DCHS2: variants seen among roughly 807,000 people sequenced by gnomAD.
DCHS2 encodes protocadherin-23.
DCHS2 carries 142 observed loss-of-function variants against 182.4 expected under a neutral mutation model. The observed-to-expected ratio is 0.78, with a 90% CI of 0.68 to 0.89. DCHS2 has a LOEUF of 0.89. Among genes scored for constraint, DCHS2 ranks in the 40% least tolerant of loss-of-function variants. DCHS2 has a pLI of 0.00. For synonymous variants in DCHS2, 1,740 were observed against 1,663.3 expected, an observed-to-expected ratio of 1.05 and a Z score of -1.12; for missense variants, 4,319 against 4,198.6, an observed-to-expected ratio of 1.03 and a Z score of -0.79.
intron 1 of DCHS2, among the ~76,000 whole-genome samples, chr4:154,474,064 C>T (rs774062903): frequency 3.9e-5 from 6 of 152,170 alleles, no homozygotes; most frequent in Non-Finnish European, 7.4e-5. Flanking sequence ...TCCTGCCTTG[C>T]CCTTTTCAGC....
intron 13 of DCHS2, chr4:154,284,548 G>A (rs1734300354): frequency 6.6e-6 from 1 of 152,108 alleles, no homozygotes; most frequent in South Asian, 2.1e-4. Flanking sequence ...TCTCCTGGCA[G>A]TGGCCATGTG....
chr4:154,474,074 C>A (rs1735588528), intron 1 of DCHS2, among the ~76,000 whole-genome samples: 1 of 152,174 alleles, frequency 6.6e-6, no homozygotes, highest in Non-Finnish European at 1.5e-5. Context: ...CCCTTTTCAG[C>A]TTTTGGTGAC....
chr4:154,412,347 T>A (rs1046866123), intron 1 of DCHS2, among the ~76,000 whole-genome samples: 3 of 152,190 alleles, frequency 2.0e-5, no homozygotes, highest in Non-Finnish European at 2.9e-5. Context: ...CAGCATGTCC[T>A]CAAGCTGAGC....
intron 12 of DCHS2, among the ~76,000 whole-genome samples, chr4:154,299,156 A>T (rs896076553): frequency 6.6e-6 from 1 of 152,226 alleles, no homozygotes; most frequent in African/African-American, 2.4e-5. Flanking sequence ...TTTGATTTGT[A>T]GTTATTTTCT....
intron 1 of DCHS2, among the ~76,000 whole-genome samples, chr4:154,458,690 T>C (rs919751164): frequency 7.2e-5 from 11 of 152,216 alleles, no homozygotes; most frequent in African/African-American, 2.4e-4. Flanking sequence ...CTACATATAC[T>C]ATACAAATAT....
intron 1 of DCHS2, among the ~76,000 whole-genome samples, chr4:154,386,280 C>T (rs1234257748): frequency 6.6e-6 from 1 of 152,200 alleles, no homozygotes; most frequent in Non-Finnish European, 1.5e-5. Context: ...CTCTTTCACT[C>T]CCCTCTGGAC....
chr4:154,336,378 G>A (rs1039090665), intron 3 of DCHS2, among the ~76,000 whole-genome samples: 1 of 152,144 alleles, frequency 6.6e-6, no homozygotes, highest in Non-Finnish European at 1.5e-5. Context: ...TGTTAGTTTT[G>A]TTTAATGAGA....
chr4:154,330,972 T>C (rs988799064), intron 5 of DCHS2, among the ~76,000 whole-genome samples: 1 of 152,156 alleles, frequency 6.6e-6, no homozygotes, highest in African/African-American at 2.4e-5. Flanking sequence ...TGTAAAAGAC[T>C]GTGCAGCTCA....
At chr4:154,241,338 C>T (rs1731814282) in intron 17 of DCHS2, among the ~76,000 whole-genome samples, 1 of 152,136 alleles carries the variant, frequency 6.6e-6, no homozygotes, top group African/African-American at 2.4e-5. Flanking sequence ...GGTGCACACA[C>T]TGCTTCCTTT....
chr4:154,413,859 C>T (rs1347783232), intron 1 of DCHS2, among the ~76,000 whole-genome samples: 1 of 152,202 alleles, frequency 6.6e-6, no homozygotes, highest in African/African-American at 2.4e-5. Flanking sequence ...CATGCCCTTA[C>T]CCTTACCCTT....
intron 1 of DCHS2, among the ~76,000 whole-genome samples, chr4:154,464,199 A>G (rs1240115031): frequency 6.6e-6 from 1 of 152,204 alleles, no homozygotes; most frequent in East Asian, 1.9e-4. Context: ...ATAGAATTCA[A>G]TAAACAGCCA....
At chr4:154,288,867 C>A (rs1351704368) in intron 13 of DCHS2, among the ~76,000 whole-genome samples, 1 of 152,036 alleles carries the variant, frequency 6.6e-6, no homozygotes, top group Non-Finnish European at 1.5e-5. Flanking sequence ...TTAAACATTT[C>A]TTGAAACAAA....
intron 1 of DCHS2, among the ~76,000 whole-genome samples, chr4:154,416,180 T>G (rs571504174): frequency 6.6e-6 from 1 of 152,028 alleles, no homozygotes; most frequent in Non-Finnish European, 1.5e-5. Flanking sequence ...TGATCAGCTG[T>G]CTGAAAGTTG....
chr4:154,373,999 TAGCA>T (rs1730769684), intron 2 of DCHS2: 8 of 824,226 alleles, frequency 9.7e-6, no homozygotes, highest in South Asian at 5.6e-5. Context: ...GATATTTTAA[TAGCA>T]AAAAAAAAAA....
At chr4:154,406,268 G>T (rs1210773418) in intron 1 of DCHS2, among the ~76,000 whole-genome samples, 1 of 152,174 alleles carries the variant, frequency 6.6e-6, no homozygotes, top group Non-Finnish European at 1.5e-5. Context: ...TACCCACAAA[G>T]CTTAGCAGCC....
At chr4:154,470,793 C>A (rs1371367305) in intron 1 of DCHS2, among the ~76,000 whole-genome samples, 1 of 152,124 alleles carries the variant, frequency 6.6e-6, no homozygotes, top group African/African-American at 2.4e-5. Context: ...ATTCATGAAG[C>A]AAGACTAAGG....
At chr4:154,357,067 T>C in intron 3 of DCHS2, 1 of 595,012 alleles carries the variant, frequency 1.7e-6, no homozygotes. Flanking sequence ...CCAGAAATGT[T>C]CTTTCTTGAC....
chr4:154,307,796 C>T (rs116760263), intron 10 of DCHS2, among the ~76,000 whole-genome samples: 1 of 152,118 alleles, frequency 6.6e-6, no homozygotes, highest in Admixed American at 6.6e-5. Context: ...ATAATCACCC[C>T]TCTTCCATTC....
At chr4:154,242,542 G>C (rs1035763802) in intron 17 of DCHS2, 100 bp downstream of exon 17, 5 of 1,404,096 alleles carry the variant, frequency 3.6e-6, no homozygotes, top group Non-Finnish European at 4.6e-6. Flanking sequence ...CTTGGTTGTT[G>C]AGGATTAGCA....
Sources: allele counts gnomAD v4.1 joint callset (sites outside exome capture counted in the v4.1 genomes callset), GRCh38; gene constraint gnomAD v4.1.1; transcripts MANE v1.5; gene names NCBI Gene and HGNC (gene_info 2026-07-23, HGNC 2026-07-21).